Variants in PRKN observed in about 807,000 individuals in gnomAD.
The protein encoded by PRKN is parkin RBR E3 ubiquitin protein ligase.
In PRKN, 56 loss-of-function variants were observed where a neutral mutation model predicts 59.5. That is an observed-to-expected ratio of 0.94 (90% CI 0.76 to 1.18). The LOEUF is 1.18. Among genes scored for constraint, PRKN ranks in the 50% most tolerant of loss-of-function variants. The pLI is 0.00. For missense variants in PRKN, 657 were observed against 596.4 expected, an observed-to-expected ratio of 1.10 and a Z score of -1.06; for synonymous variants, 250 against 222.1, an observed-to-expected ratio of 1.13 and a Z score of -1.12.
intron 1 of PRKN, among the ~76,000 whole-genome samples, chr6:162,492,025 G>A (rs775704586): frequency 2.4e-4 from 37 of 152,092 alleles, no homozygotes; most frequent in Admixed American, 7.2e-4. Context: ...GACGTGTCTC[G>A]GGTGCAGAGG....
chr6:162,586,393 C>T (rs1781060068), intron 1 of PRKN, among the ~76,000 whole-genome samples: 1 of 152,188 alleles, frequency 6.6e-6, no homozygotes, highest in Non-Finnish European at 1.5e-5. Flanking sequence ...TGAGAAACCA[C>T]TAAAATGTTC....
At chr6:161,418,607 A>T (rs1370363636) in intron 9 of PRKN, among the ~76,000 whole-genome samples, 5 of 152,186 alleles carry the variant, frequency 3.3e-5, no homozygotes, top group Non-Finnish European at 7.3e-5. Flanking sequence ...AGCACAAACC[A>T]TACCCGAAAG....
At chr6:161,716,755 C>T (rs540229232) in intron 7 of PRKN, among the ~76,000 whole-genome samples, 3 of 152,154 alleles carry the variant, frequency 2.0e-5, no homozygotes, top group Non-Finnish European at 2.9e-5. Flanking sequence ...TGGAAGGCAG[C>T]GGCAATGCAG....
At chr6:162,294,827 C>G (rs186985729) in intron 2 of PRKN, among the ~76,000 whole-genome samples, 300 of 152,158 alleles carry the variant, frequency 2.0e-3, no homozygotes, top group African/African-American at 6.9e-3. Context: ...GTAAGTAATG[C>G]AGATTCAGGT....
At chr6:161,418,586 A>G (rs146215373) in intron 9 of PRKN, among the ~76,000 whole-genome samples, 1 of 152,306 alleles carries the variant, frequency 6.6e-6, no homozygotes, top group African/African-American at 2.4e-5. Context: ...AGTAGGTGTC[A>G]CTGTTCATTT....
chr6:162,157,530 A>G (rs1782565022), intron 4 of PRKN, among the ~76,000 whole-genome samples: 1 of 152,190 alleles, frequency 6.6e-6, no homozygotes, highest in African/African-American at 2.4e-5. Context: ...TGCAACTGGT[A>G]CTGCAAGACC....
intron 6 of PRKN, among the ~76,000 whole-genome samples, chr6:161,911,608 A>G (rs993921924): frequency 2.0e-5 from 3 of 152,122 alleles, no homozygotes; most frequent in African/African-American, 7.2e-5. Context: ...GCTATTCAAC[A>G]TATCTTGGTG....
intron 2 of PRKN, among the ~76,000 whole-genome samples, chr6:162,414,551 CA>C (rs894556239): frequency 1.4e-4 from 21 of 147,522 alleles, no homozygotes; most frequent in East Asian, 6.0e-4. Flanking sequence ...TACTAAAATA[CA>C]AAAAAAAAAT....
chr6:161,919,479 C>T (rs879631513), intron 6 of PRKN, among the ~76,000 whole-genome samples: 4 of 152,096 alleles, frequency 2.6e-5, no homozygotes, highest in Admixed American at 2.6e-4. Flanking sequence ...TGGACATATA[C>T]CTGGAGGATT....
intron 2 of PRKN, among the ~76,000 whole-genome samples, chr6:162,376,357 C>T (rs376823433): frequency 2.0e-5 from 3 of 152,096 alleles, no homozygotes; most frequent in African/African-American, 7.2e-5. Context: ...TATTATATTA[C>T]CAGTTTTACA....
chr6:162,569,790 G>C (rs908350420), intron 1 of PRKN: 13 of 484,082 alleles, frequency 2.7e-5, no homozygotes, highest in Non-Finnish European at 4.2e-5. Context: ...CTGGGAGGGA[G>C]GCTGCTGTGC....
In PRKN at chr6:161,529,486, A is replaced by G. The variant is rs928573261; in HGVS notation, c.1083+19368T>C. Among the ~76,000 whole-genome samples, 11 of 152,188 alleles carry G rather than the reference A, an allele frequency of 7.2e-5. No individual in the cohort carries two copies. Among genetic ancestry groups the G allele is most frequent in the Non-Finnish European group, 1.0e-4 (7 of 68,032 alleles). On this transcript the variant is annotated intron_variant, in intron 9 of 11. Transcript: ENST00000366898. The surrounding 1 kb of genome is among the most constrained non-coding windows in gnomAD (Gnocchi z 4.4). ...AGGAACGGGAAACAGTGGCACAGGA[A>G]AGGTGAAATGGCTTACTTATGATCT...
rs1235517052 is a variant in PRKN at position 161,530,262 on chromosome 6, T to A, written c.1083+18592A>T. On this transcript the variant is annotated intron_variant, in intron 9 of 11. Transcript: ENST00000366898. The surrounding 1 kb of genome is among the most constrained non-coding windows in gnomAD (Gnocchi z 5.0). The stretch of plus-strand genomic sequence containing the variant: ...AGGAAGGGTTGTAAATTTAGACATT[T>A]TTTGAAGATTCACGTGTTTGGTTCA... Among the ~76,000 whole-genome samples the A allele has an allele frequency of 2.0e-5, 3 of 152,212 alleles. No individual in the cohort carries two copies. The East Asian group carries it at 5.8e-4, about 29-fold the overall frequency.
In PRKN at chr6:161,549,530, G is replaced by C. The variant is rs1779923762; in HGVS notation, c.934-527C>G. 6.6e-6 allele frequency among the ~76,000 whole-genome samples: 1 copy of C among 152,094 alleles called. No homozygotes were observed. Among genetic ancestry groups the C allele is most frequent in the Admixed American group, 6.6e-5 (1 of 15,264 alleles). On this transcript the variant is annotated intron_variant, in intron 8 of 11. Coordinates refer to ENST00000366898, the MANE Select transcript of PRKN (RefSeq NM_004562.3). The surrounding 1 kb of genome is among the most constrained non-coding windows in gnomAD (Gnocchi z 6.0). ...ACACAATATCAATGAGCTAGAAGAAGACTAATGTTAAACAATCACATTTTC... is the reference window on the plus strand; with the variant it reads ...ACACAATATCAATGAGCTAGAAGAACACTAATGTTAAACAATCACATTTTC...
intron 2 of PRKN, among the ~76,000 whole-genome samples, chr6:162,355,079 G>A (rs1460603062): frequency 1.3e-5 from 2 of 151,828 alleles, no homozygotes; most frequent in African/African-American, 2.4e-5. Flanking sequence ...CTATAAGACA[G>A]TCTACAGGTT....
intron 6 of PRKN, among the ~76,000 whole-genome samples, chr6:161,912,575 C>T (rs149481533): frequency 5.9e-5 from 9 of 152,102 alleles, no homozygotes; most frequent in East Asian, 5.9e-4. Context: ...GAACACAGCA[C>T]GTGGAGAGGT....
chr6:162,480,884 C>T (rs1333275288), intron 1 of PRKN, among the ~76,000 whole-genome samples: 13 of 152,130 alleles, frequency 8.5e-5, no homozygotes, highest in Non-Finnish European at 1.3e-4. Context: ...CACCTCACTG[C>T]ACCCTCCGCC....
chr6:162,345,615 C>T lies in PRKN; in HGVS notation c.172-82850G>A, dbSNP rs543352627. The stretch of plus-strand genomic sequence containing the variant: ...CAAGGTTCAGCATATTTTTGATGCA[C>T]GCAATTTTAAATGGTAGCTTAGAAA... On this transcript the variant is annotated intron_variant, in intron 2 of 11. Transcript: ENST00000366898. Among the ~76,000 whole-genome samples the T allele has an allele frequency of 1.2e-4, 18 of 152,266 alleles. No homozygotes were observed. In the South Asian group the frequency reaches 2.5e-3, roughly 21 times the overall value.
rs1790744772 is a variant in PRKN at position 161,470,597 on chromosome 6, T to A, written c.1083+78257A>T. 6.6e-6 allele frequency among the ~76,000 whole-genome samples: 1 copy of A among 152,010 alleles called. No homozygotes were observed. Among genetic ancestry groups the A allele is most frequent in the Non-Finnish European group, 1.5e-5 (1 of 68,004 alleles). On this transcript the variant is annotated intron_variant, in intron 9 of 11. Transcript: ENST00000366898. This position sits in a 1 kb window ranked among gnomAD's most constrained non-coding sequence, Gnocchi z 5.1. ...ACACCCCTCTTCCTGGAGCAAAGAG[T>A]CTGTGGAGCTAAAAAGCTGCACCCA...
Sources: allele counts gnomAD v4.1 joint callset (sites outside exome capture counted in the v4.1 genomes callset), GRCh38; gene constraint gnomAD v4.1.1; non-coding constraint Gnocchi (gnomAD v3.1); transcripts MANE v1.5; gene names NCBI Gene and HGNC (gene_info 2026-07-23, HGNC 2026-07-21).